The following AGBL1 variants were observed in gnomAD, a reference collection of about 807,000 sequenced individuals.
The protein encoded by AGBL1 is cytosolic carboxypeptidase 4.
AGBL1 carries 130 observed loss-of-function variants against 118.9 expected under a neutral mutation model. That is an observed-to-expected ratio of 1.09 (90% CI 0.95 to 1.26). AGBL1 has a LOEUF of 1.26. AGBL1 is among the 50% of genes most tolerant of loss of function. The probability of loss-of-function intolerance (pLI) is 0.00; values close to 1 mark genes in which losing one functional copy is unlikely to be tolerated. For missense variants in AGBL1, 1,584 were observed against 1,298.1 expected (o/e 1.22, Z -3.38); for synonymous variants, 555 against 478.9 (o/e 1.16, Z -2.08).
intron 22 of AGBL1, among the ~76,000 whole-genome samples, chr15:86,733,180 A>C (rs1422498794): frequency 1.3e-5 from 2 of 152,040 alleles, no homozygotes; most frequent in Admixed American, 6.6e-5. Flanking sequence ...TGGAGAACCA[A>C]AAAGCCAATG....
intron 5 of AGBL1, among the ~76,000 whole-genome samples, chr15:86,159,831 C>A (rs1046119610): frequency 1.3e-5 from 2 of 152,084 alleles, no homozygotes; most frequent in African/African-American, 4.8e-5. Context: ...GCCTCATATT[C>A]CACCTGATTA....
At chr15:86,924,102 A>C (rs1331498753) in intron 23 of AGBL1, among the ~76,000 whole-genome samples, 1 of 152,238 alleles carries the variant, frequency 6.6e-6, no homozygotes, top group Non-Finnish European at 1.5e-5. Flanking sequence ...GCCTAGATAA[A>C]ATGTCTATTC....
At chr15:86,815,045 T>G (rs2078840242) in intron 22 of AGBL1, among the ~76,000 whole-genome samples, 1 of 152,276 alleles carries the variant, frequency 6.6e-6, no homozygotes, top group East Asian at 1.9e-4. Flanking sequence ...ATATGGCAGT[T>G]GACCACCAAT....
At chr15:86,372,363 CTT>C (rs1386651229) in intron 17 of AGBL1, among the ~76,000 whole-genome samples, 2 of 152,098 alleles carry the variant, frequency 1.3e-5, no homozygotes, top group Admixed American at 6.5e-5. Flanking sequence ...CCCTTGGTGT[CTT>C]TTATTTGAGT....
chr15:86,825,133 A>G (rs1473147100), intron 22 of AGBL1, among the ~76,000 whole-genome samples: 7 of 152,026 alleles, frequency 4.6e-5, no homozygotes, highest in Admixed American at 1.3e-4. Flanking sequence ...AAATATATTC[A>G]AAAGTTGCAA....
At chr15:86,900,068 C>T (rs2080189785) in intron 22 of AGBL1, among the ~76,000 whole-genome samples, 1 of 152,138 alleles carries the variant, frequency 6.6e-6, no homozygotes, top group Admixed American at 6.5e-5. Flanking sequence ...ACTCTAAGTT[C>T]TTCAACTTTT....
At chr15:86,536,992 G>T (rs997836045) in intron 19 of AGBL1, among the ~76,000 whole-genome samples, 3 of 152,188 alleles carry the variant, frequency 2.0e-5, no homozygotes, top group African/African-American at 7.2e-5. Flanking sequence ...AAGGGCATTG[G>T]GCGTAGGGCT....
At chr15:86,750,831 C>T (rs926772858) in intron 22 of AGBL1, among the ~76,000 whole-genome samples, 2 of 151,858 alleles carry the variant, frequency 1.3e-5, no homozygotes, top group Non-Finnish European at 2.9e-5. Flanking sequence ...TGTGTTGTTC[C>T]CCTATATGTT....
At chr15:86,475,483 G>A (rs2082544765) in intron 18 of AGBL1, among the ~76,000 whole-genome samples, 1 of 152,132 alleles carries the variant, frequency 6.6e-6, no homozygotes, top group Non-Finnish European at 1.5e-5. Context: ...AGTGATTGAA[G>A]ATCAAATGAA....
At chr15:87,014,638 G>T (rs1409646017) in intron 24 of AGBL1, among the ~76,000 whole-genome samples, 1 of 152,116 alleles carries the variant, frequency 6.6e-6, no homozygotes, top group African/African-American at 2.4e-5. Context: ...CATTACAAAG[G>T]CAGAATCAGA....
intron 21 of AGBL1, among the ~76,000 whole-genome samples, chr15:86,607,898 T>G (rs550478300): frequency 6.6e-6 from 1 of 152,170 alleles, no homozygotes; most frequent in Non-Finnish European, 1.5e-5. Flanking sequence ...AGGCAGGCAG[T>G]GCATGGACAT....
At chr15:87,024,703 A>G (rs1017403822) in intron 24 of AGBL1, among the ~76,000 whole-genome samples, 2 of 152,048 alleles carry the variant, frequency 1.3e-5, no homozygotes, top group African/African-American at 4.8e-5. Flanking sequence ...ACAGACCAAT[A>G]TCCCTGATGA....
At chr15:86,215,879 G>A (rs2078179370) in intron 5 of AGBL1, among the ~76,000 whole-genome samples, 1 of 152,064 alleles carries the variant, frequency 6.6e-6, no homozygotes, top group Admixed American at 6.6e-5. Context: ...GCAATAGTTA[G>A]GTGAAAAATG....
intron 22 of AGBL1, among the ~76,000 whole-genome samples, chr15:86,763,721 G>A (rs980508358): frequency 6.6e-6 from 1 of 151,810 alleles, no homozygotes; most frequent in African/African-American, 2.4e-5. Context: ...CACTGTTGCT[G>A]ATGAACCTGT....
At chr15:86,534,699 A>C (rs2142227217) in intron 19 of AGBL1, among the ~76,000 whole-genome samples, 1 of 152,352 alleles carries the variant, frequency 6.6e-6, no homozygotes, top group Admixed American at 6.5e-5. Context: ...CTAAAACCAA[A>C]ACTAAACCAA....
chr15:86,164,240 G>A (rs2077306277), intron 5 of AGBL1, among the ~76,000 whole-genome samples: 1 of 152,172 alleles, frequency 6.6e-6, no homozygotes, highest in South Asian at 2.1e-4. Flanking sequence ...CTCAGCTGGG[G>A]CTTAAACTTT....
chr15:86,311,124 A>T (rs1401414098), intron 17 of AGBL1, among the ~76,000 whole-genome samples: 1 of 152,024 alleles, frequency 6.6e-6, no homozygotes, highest in Non-Finnish European at 1.5e-5. Flanking sequence ...ACGCTTGCTT[A>T]TTTTCCAAGT....
intron 23 of AGBL1, among the ~76,000 whole-genome samples, chr15:86,928,658 T>A (rs2080572989): frequency 6.6e-6 from 1 of 152,182 alleles, no homozygotes; most frequent in South Asian, 2.1e-4. Context: ...TTTCTGTATG[T>A]GTATGAATTA....
At chr15:86,294,477 TA>T (rs1035647428) in intron 16 of AGBL1, among the ~76,000 whole-genome samples, 2 of 150,446 alleles carry the variant, frequency 1.3e-5, no homozygotes, top group African/African-American at 4.9e-5. Flanking sequence ...TTTTTTTTTT[TA>T]AATGAGTATT....
Sources: gnomAD v4.1 joint callset for allele counts (sites outside exome capture counted in the v4.1 genomes callset) on GRCh38, gnomAD v4.1.1 for gene constraint, MANE v1.5 for transcripts, NCBI Gene and HGNC (gene_info 2026-07-23, HGNC 2026-07-21) for gene names.